Variants in HSPE1 observed in about 807,000 individuals in gnomAD.
The protein encoded by HSPE1 is 10 kDa heat shock protein, mitochondrial.
HSPE1 carries 1 observed loss-of-function variant against 13.2 expected under a neutral mutation model. The ratio of observed to expected loss-of-function variants is 0.08; its 90% confidence interval spans 0.03 to 0.36. HSPE1 has a LOEUF of 0.36. Among genes scored for constraint, HSPE1 ranks in the 10% least tolerant of loss-of-function variants. The pLI is 0.99. For synonymous variants in HSPE1, 44 were observed against 42.0 expected (o/e 1.05, Z -0.19); for missense variants, 73 against 118.7 (o/e 0.62, Z 1.79).
chr2:197,502,179 T>C lies in HSPE1; in HGVS notation c.169-860T>C, dbSNP rs576027600. ...GGTCAGTCTTGTCCAATCTGCAGCC[T>C]GGGACAGCTCTGAATGCCGCCTAAC... On this transcript the variant is annotated intron_variant, in intron 2 of 3. Coordinates refer to ENST00000233893, the MANE Select transcript of HSPE1 (RefSeq NM_002157.3). Among the ~76,000 whole-genome samples, 428 of 152,320 alleles carry C rather than the reference T, an allele frequency of 2.8e-3. 3 individuals carry two copies. The highest frequency in any genetic ancestry group is 8.3e-3 in the South Asian group (40 of 4,832).
chr2:197,500,997 T>C (rs1378018952), intron 1 of HSPE1, 77 bp from the exon 2 acceptor site: 1 of 1,525,962 alleles, frequency 6.6e-7, no homozygotes, highest in South Asian at 1.3e-5. Context: ...CGTGTTGAGA[T>C]GTATAGCACG....
chr2:197,500,529 G>A lies in HSPE1; in HGVS notation c.3+90G>A, dbSNP rs188661772. Reference sequence around the variant, plus strand: ...ACGCCCCTCTTTTGTTGGGCTGGGCGGGAGGGATTGGTGGCCACTCAGTGA... The same window carrying A: ...ACGCCCCTCTTTTGTTGGGCTGGGCAGGAGGGATTGGTGGCCACTCAGTGA... On this transcript the variant is annotated intron_variant, in intron 1 of 3. Coordinates refer to ENST00000233893, the MANE Select transcript of HSPE1 (RefSeq NM_002157.3). 826 of 1,482,200 alleles carry A rather than the reference G, an allele frequency of 5.6e-4. 23 individuals carry two copies. The African/African-American group carries it at 0.01, about 18-fold the overall frequency. The allele number at this position is 1,482,200 out of a possible 1,614,324, so 91.8% of individuals were successfully genotyped here.
chr2:197,502,891 A>T, intron 2 of HSPE1, 148 bp from the exon 3 acceptor site: 1 of 581,192 alleles, frequency 1.7e-6, no homozygotes, highest in South Asian at 2.3e-5. Flanking sequence ...TAATTCTAGT[A>T]TGAGTCGTAT....
At chr2:197,501,725 G>A (rs1036059368) in intron 2 of HSPE1, among the ~76,000 whole-genome samples, 3 of 143,922 alleles carry the variant, frequency 2.1e-5, no homozygotes, top group Non-Finnish European at 3.0e-5. Flanking sequence ...GTTGCAAGGC[G>A]CCCCTGCATT....
At chr2:197,500,759 C>A in intron 1 of HSPE1, 1 of 576,646 alleles carries the variant, frequency 1.7e-6, no homozygotes, top group Admixed American at 3.1e-5. Context: ...GGGAGCTTGA[C>A]CCAGCGTTTC....
rs530775536 is a variant in HSPE1, at chr2:197,500,386, T to A, written c.-51T>A. 5 of 1,587,860 alleles carry A rather than the reference T, an allele frequency of 3.1e-6. No homozygotes were observed. Among genetic ancestry groups the A allele is most frequent in the Middle Eastern group, 1.7e-4 (1 of 5,948 alleles). The stretch of plus-strand genomic sequence containing the variant: ...TGTCGCCAGGGCCGGACTGCGAGTC[T>A]CTTTGCGGCGCTACACTAGAGCAGA... On this transcript the variant is annotated 5_prime_UTR_variant, in exon 1 of 4. Coordinates refer to ENST00000233893, the MANE Select transcript of HSPE1 (RefSeq NM_002157.3).
At position 197,503,256 on chromosome 2, in the gene HSPE1, CTG is replaced by C; in HGVS notation, c.307_308del (p.Ter103LysfsTer2). 1 of 1,595,994 alleles carries C rather than the reference CTG, an allele frequency of 6.3e-7. No individual in the cohort carries two copies. Among genetic ancestry groups the C allele is most frequent in the Non-Finnish European group, 8.6e-7 (1 of 1,168,076 alleles). On this transcript the variant is annotated frameshift_variant and stop_lost, in exon 4 of 4. Transcript: ENST00000233893. LOFTEE classifies it high-confidence loss of function. ...DGDILGKYVD[*>X] Reference sequence around the variant, plus strand: ...GTGACATTCTTGGAAAGTACGTAGACTGAAATAAGTCACTATTGAAATGGCAT... The same window carrying C: ...GTGACATTCTTGGAAAGTACGTAGACAAATAAGTCACTATTGAAATGGCAT...
Position 197,501,056 on chromosome 2 carries a change from A to G in HSPE1, c.4-18A>G. The G allele has an allele frequency of 2.5e-6, 4 of 1,605,356 alleles. No homozygotes were observed. Among genetic ancestry groups the G allele is most frequent in the Non-Finnish European group, 3.4e-6 (4 of 1,175,128 alleles). On this transcript the variant is annotated intron_variant, in intron 1 of 3. Coordinates refer to ENST00000233893, the MANE Select transcript of HSPE1 (RefSeq NM_002157.3). Reference sequence around the variant, plus strand: ...GATTACATTTAGTTTTTGTTTCAAAACATTTCTCTTCCTACAGGCAGGACA... The same window carrying G: ...GATTACATTTAGTTTTTGTTTCAAAGCATTTCTCTTCCTACAGGCAGGACA...
rs758433207 is a variant in HSPE1 at position 197,501,247 on chromosome 2, G to A, written c.168+9G>A. The A allele has an allele frequency of 1.2e-6, 2 of 1,602,910 alleles. No homozygotes were observed. The highest frequency in any genetic ancestry group is 1.1e-5 in the South Asian group (1 of 89,878). ...CGGGTTCTAAAGGAAAGGTAAATGG[G>A]AGCTGCAGTGGAACTATTTTTTATA... On this transcript the variant is annotated intron_variant, in intron 2 of 3. Transcript: ENST00000233893.
intron 2 of HSPE1, 86 bp from the exon 3 acceptor site, chr2:197,502,953 T>G (rs2086274476): frequency 2.8e-6 from 2 of 720,674 alleles, no homozygotes; most frequent in South Asian, 3.3e-5. Flanking sequence ...GTGACCATGT[T>G]TCATTAGTTG....
At position 197,503,218 on chromosome 2, in the gene HSPE1, C is replaced by T; in HGVS notation, c.268C>T (p.Leu90=). Residue 90 remains leucine (L), a synonymous_variant, in exon 4 of 4, where the codon CTA becomes TTA. Transcript: ENST00000233893. ...KVVLDDKDYF[L]FRDGDILGKY... ...TTTTTTTCACTTGCAGGATTATTTC[C>T]TATTTAGAGATGGTGACATTCTTGG... The T allele has an allele frequency of 6.2e-7, 1 of 1,608,424 alleles. No homozygotes were observed. Among genetic ancestry groups the T allele is most frequent in the South Asian group, 1.1e-5 (1 of 90,970 alleles).
rs2086235819 is a variant in HSPE1, at chr2:197,500,456, C to T, written c.3+17C>T. ...GGAGTAATGGTGAGTCCCGCGTGGC[C>T]CCGAGGCCTGCAGGCCCGGGCCTGT... On this transcript the variant is annotated intron_variant, in intron 1 of 3. Coordinates refer to ENST00000233893, the MANE Select transcript of HSPE1 (RefSeq NM_002157.3). 2 of 1,594,234 alleles carry T rather than the reference C, an allele frequency of 1.3e-6. No individual in the cohort carries two copies. Among genetic ancestry groups the T allele is most frequent in the Admixed American group, 1.8e-5 (1 of 57,004 alleles).
intron 1 of HSPE1, chr2:197,500,663 C>G: frequency 1.5e-6 from 1 of 651,678 alleles, no homozygotes; most frequent in Non-Finnish European, 2.6e-6. Flanking sequence ...GGGGCGAGAA[C>G]CCGGGCGCAC....
rs1157880490 is a variant in HSPE1 at position 197,503,419 on chromosome 2, T to C, written c.*160T>C. The stretch of plus-strand genomic sequence containing the variant: ...CCAAAATTGTTTCCTTGTACTGATA[T>C]AAACACTTCCAAATAAAAATATGTA... On this transcript the variant is annotated 3_prime_UTR_variant, in exon 4 of 4. Transcript: ENST00000233893. 7 of 477,924 alleles carry C rather than the reference T, an allele frequency of 1.5e-5. No individual in the cohort carries two copies. The highest frequency in any genetic ancestry group is 7.3e-5 in the Admixed American group (2 of 27,444). 29.6% of individuals were successfully genotyped at this position (477,924 alleles called of 1,614,324 possible).
intron 2 of HSPE1, among the ~76,000 whole-genome samples, 153 bp from the exon 3 acceptor site, chr2:197,502,886 C>A (rs1316100383): frequency 6.6e-6 from 1 of 152,076 alleles, no homozygotes; most frequent in Non-Finnish European, 1.5e-5. Context: ...ATCTGTAATT[C>A]TAGTATGAGT....
At position 197,503,029 on chromosome 2, in the gene HSPE1, C is replaced by G. The variant is rs764894979; in HGVS notation, c.169-10C>G. 3.2e-6 allele frequency: 5 copies of G among 1,538,746 alleles called. No homozygotes were observed. Among genetic ancestry groups the G allele is most frequent in the African/African-American group, 1.4e-5 (1 of 73,522 alleles). ...ATATCTTTGCTAATAAACATCCTTC[C>G]TTTTTTAAGGGTGGAGAGATTCAAC... is the stretch of plus-strand genomic sequence containing the variant. On this transcript the variant is annotated splice_polypyrimidine_tract_variant and intron_variant, in intron 2 of 3. Coordinates refer to ENST00000233893, the MANE Select transcript of HSPE1 (RefSeq NM_002157.3).
At chr2:197,501,497 G>T in intron 2 of HSPE1, 2 of 312,452 alleles carry the variant, frequency 6.4e-6, no homozygotes, top group South Asian at 8.2e-5. Flanking sequence ...GGGTGCGGTG[G>T]CTCTCGCCTG....
intron 2 of HSPE1, 180 bp downstream of exon 2, chr2:197,501,418 T>C (rs2086253541): frequency 5.8e-6 from 4 of 685,376 alleles, no homozygotes; most frequent in Non-Finnish European, 9.5e-6. Flanking sequence ...GCTTATTTTA[T>C]ATGACCAATG....
chr2:197,502,425 GC>G (rs1483591697), intron 2 of HSPE1, among the ~76,000 whole-genome samples: 1 of 152,144 alleles, frequency 6.6e-6, no homozygotes, highest in Non-Finnish European at 1.5e-5. Context: ...CACAGTAAAC[GC>G]CGTTGGGGCC....
Sources: gnomAD v4.1 joint callset for allele counts (sites outside exome capture counted in the v4.1 genomes callset) on GRCh38, gnomAD v4.1.1 for gene constraint, MANE v1.5 for transcripts, NCBI Gene and HGNC (gene_info 2026-07-23, HGNC 2026-07-21) for gene names.